AGTPBP1: variants seen among roughly 807,000 people sequenced by gnomAD.
AGTPBP1 encodes cytosolic carboxypeptidase 1.
Under a neutral mutation model 143.9 loss-of-function variants are expected in AGTPBP1, and 70 were observed. That is an observed-to-expected ratio of 0.49 (90% confidence interval 0.40 to 0.59). The LOEUF is 0.59. Ranked by LOEUF, AGTPBP1 falls within the 20% of genes least tolerant of loss-of-function variation. The pLI is 0.00. For synonymous variants in AGTPBP1, 463 were observed against 500.2 expected (o/e 0.93, Z 0.99); for missense variants, 1,229 against 1,464.5 (o/e 0.84, Z 2.62).
chr9:85,742,782 T>TG (rs1486482132), upstream of AGTPBP1, among the ~76,000 whole-genome samples: 11 of 152,248 alleles, frequency 7.2e-5, no homozygotes, highest in Non-Finnish European at 1.6e-4. Context: ...TGCAATGTAT[T>TG]GCAAATAAAT....
intron 1 of AGTPBP1, among the ~76,000 whole-genome samples, chr9:85,732,210 C>CTT (rs144655182): frequency 5.3e-3 from 635 of 120,862 alleles, no homozygotes; most frequent in Non-Finnish European, 6.0e-3. Context: ...GACTATGACC[C>CTT]TTTTTTTTTT....
intron 1 of AGTPBP1, among the ~76,000 whole-genome samples, chr9:85,729,530 C>CA (rs936247218): frequency 1.9e-4 from 29 of 152,144 alleles, no homozygotes; most frequent in African/African-American, 6.5e-4. Flanking sequence ...ACTACTACGT[C>CA]AAACTAAAAA....
intron 25 of AGTPBP1, among the ~76,000 whole-genome samples, chr9:85,563,254 C>T (rs568733554): frequency 1.5e-4 from 23 of 152,154 alleles, no homozygotes; most frequent in African/African-American, 5.3e-4. Context: ...TGAGTAAAAG[C>T]TGTAAGAGTA....
chr9:85,712,529 C>A lies in AGTPBP1; in HGVS notation c.5G>T (p.Ser2Ile). 1 of 1,502,266 alleles carries A rather than the reference C, an allele frequency of 6.7e-7. No homozygotes were observed. The highest frequency in any genetic ancestry group is 1.3e-5 in the South Asian group (1 of 76,152). The allele number at this position is 1,502,266 out of a possible 1,614,324, so 93.1% of individuals were successfully genotyped here. A position where few individuals can be genotyped will look rare whatever the true frequency, so the allele number is the denominator to read the frequency against. ...TTTTTCTGGTATCACTTTTAACTTG[C>A]TCATCTTGAGTTACTTCATTTCATA... M[S>I]KLKVIPEKSL... The change falls in exon 2 of 26, where the codon AGC becomes ATC. Residue 2 changes from serine (S) to isoleucine (I), a missense_variant. This residue lies in a region of AGTPBP1 where 743 missense variants were observed against 812.2 expected (regional missense o/e 0.91). Coordinates refer to ENST00000357081, the MANE Select transcript of AGTPBP1 (RefSeq NM_001330701.2).
At chr9:85,677,341 A>G (rs1463856310) in intron 6 of AGTPBP1, 95 bp downstream of exon 6, 3 of 1,129,694 alleles carry the variant, frequency 2.7e-6, no homozygotes, top group Non-Finnish European at 3.8e-6. Flanking sequence ...TTTAAAATAA[A>G]TAACATTTTT....
chr9:85,696,061 C>T (rs1836218855), intron 2 of AGTPBP1, among the ~76,000 whole-genome samples: 1 of 152,048 alleles, frequency 6.6e-6, no homozygotes, highest in Non-Finnish European at 1.5e-5. Context: ...AGGCTGGTCT[C>T]GAACTTGTGA....
intron 18 of AGTPBP1, 56 bp downstream of exon 18, chr9:85,596,306 T>C: frequency 8.5e-7 from 1 of 1,182,228 alleles, no homozygotes; most frequent in Non-Finnish European, 1.2e-6. Flanking sequence ...AAACAGGATG[T>C]ACTTAATACT....
intron 8 of AGTPBP1, among the ~76,000 whole-genome samples, chr9:85,662,999 A>G (rs1477273657): frequency 1.3e-5 from 2 of 152,148 alleles, no homozygotes; most frequent in Non-Finnish European, 2.9e-5. Context: ...CCAGCTTACT[A>G]CACCTTGAGA....
chr9:85,572,873 T>G (rs547295118), intron 25 of AGTPBP1, among the ~76,000 whole-genome samples: 30 of 152,256 alleles, frequency 2.0e-4, no homozygotes, highest in African/African-American at 6.7e-4. Flanking sequence ...GAGTTCCAAG[T>G]AATGTTTGTC....
At chr9:85,573,857 C>T (rs1021630102) in intron 25 of AGTPBP1, among the ~76,000 whole-genome samples, 2 of 151,010 alleles carry the variant, frequency 1.3e-5, no homozygotes, top group African/African-American at 4.9e-5. Flanking sequence ...GTGAGGAGAC[C>T]CTCCGCCTGG....
At chr9:85,550,243 G>A (rs1825963463) in intron 25 of AGTPBP1, among the ~76,000 whole-genome samples, 1 of 152,014 alleles carries the variant, frequency 6.6e-6, no homozygotes, top group African/African-American at 2.4e-5. Flanking sequence ...TCTGGAAGGA[G>A]CTAGGGGAAT....
At chr9:85,583,221 C>T (rs56855375) in intron 23 of AGTPBP1, among the ~76,000 whole-genome samples, 7,374 of 152,228 alleles carry the variant, frequency 0.048, 609 homozygotes, top group African/African-American at 0.17. Context: ...CCTTCGACTT[C>T]TGATCTGCAG....
At chr9:85,577,468 T>A (rs910361856) in intron 24 of AGTPBP1, among the ~76,000 whole-genome samples, 4 of 152,196 alleles carry the variant, frequency 2.6e-5, no homozygotes, top group Non-Finnish European at 4.4e-5. Context: ...GAAGCAATGA[T>A]CGGGGACAGG....
intron 1 of AGTPBP1, among the ~76,000 whole-genome samples, chr9:85,713,973 G>T (rs1158529079): frequency 6.6e-6 from 1 of 152,162 alleles, no homozygotes; most frequent in Non-Finnish European, 1.5e-5. Context: ...CACTGTTGCT[G>T]CCACAAACAG....
At chr9:85,612,554 C>T (rs1431411708) in intron 17 of AGTPBP1, among the ~76,000 whole-genome samples, 1 of 152,116 alleles carries the variant, frequency 6.6e-6, no homozygotes, top group African/African-American at 2.4e-5. Context: ...CAGTGTTTCC[C>T]TGAGTCCTGT....
At chr9:85,646,285 T>G in intron 12 of AGTPBP1, 36 bp downstream of exon 12, 4 of 1,499,210 alleles carry the variant, frequency 2.7e-6, no homozygotes, top group Non-Finnish European at 3.7e-6. Flanking sequence ...AGTATATCAT[T>G]TATAAAGCTA....
chr9:85,786,308 C>T, the AGTPBP1 span: 5,223 of 1,602,428 alleles, frequency 3.3e-3, 5 homozygotes, highest in Non-Finnish European at 4.0e-3. Flanking sequence ...TCTTTAGCAC[C>T]CCCCAGTGGG....
intron 1 of AGTPBP1, chr9:85,741,484 C>G: frequency 1.0e-6 from 1 of 985,312 alleles, no homozygotes; most frequent in Non-Finnish European, 1.2e-6. Flanking sequence ...AGACCGCGCC[C>G]GATACCCTCC....
intron 17 of AGTPBP1, among the ~76,000 whole-genome samples, chr9:85,613,628 C>T (rs944326174): frequency 6.6e-6 from 1 of 152,026 alleles, no homozygotes; most frequent in East Asian, 1.9e-4. Context: ...CCCCCTCTCA[C>T]CCAATTAAAG....
Sources: allele counts gnomAD v4.1 joint callset (sites outside exome capture counted in the v4.1 genomes callset), GRCh38; gene constraint gnomAD v4.1.1; regional missense constraint gnomAD v4.1.1; transcripts MANE v1.5; gene names NCBI Gene and HGNC (gene_info 2026-07-23, HGNC 2026-07-21).